The following FRMD4A variants were observed in gnomAD, a reference collection of about 807,000 sequenced individuals.
The protein encoded by FRMD4A is FERM domain containing 4A, also known as FERM domain-containing protein 4A.
FRMD4A carries 29 observed loss-of-function variants against 129.1 expected under a neutral mutation model. The ratio of observed to expected loss-of-function variants is 0.22; its 90% CI spans 0.17 to 0.31. The LOEUF (loss-of-function observed/expected upper bound fraction) is 0.31, where lower values mean the gene tolerates loss of function less well. FRMD4A is among the 10% of genes least tolerant of loss of function. The pLI, the probability that FRMD4A is intolerant of heterozygous loss-of-function variation, is 1.00. For missense variants in FRMD4A, 1,272 were observed against 1,375.8 expected, an observed-to-expected ratio of 0.92 and a Z score of 1.19; for synonymous variants, 634 against 571.6, an observed-to-expected ratio of 1.11 and a Z score of -1.56.
intron 2 of FRMD4A, among the ~76,000 whole-genome samples, chr10:13,917,044 G>C (rs2095016848): frequency 6.6e-6 from 1 of 152,162 alleles, no homozygotes; most frequent in Non-Finnish European, 1.5e-5. Context: ...TCAAAACAGT[G>C]TTTTAAAAAA....
intron 7 of FRMD4A, among the ~76,000 whole-genome samples, chr10:13,761,885 A>C (rs766348947): frequency 6.6e-6 from 1 of 152,254 alleles, no homozygotes; most frequent in African/African-American, 2.4e-5. Context: ...AAACTTATAT[A>C]CAAAGTAAGT....
intron 12 of FRMD4A, among the ~76,000 whole-genome samples, chr10:13,727,533 C>T (rs995306077): frequency 1.3e-5 from 2 of 152,112 alleles, no homozygotes; most frequent in Non-Finnish European, 2.9e-5. Context: ...TTGAGGGCGC[C>T]ATGTTGGGAC....
chr10:14,045,033 G>T (rs576545527), intron 2 of FRMD4A, among the ~76,000 whole-genome samples: 1 of 152,218 alleles, frequency 6.6e-6, no homozygotes, highest in South Asian at 2.1e-4. Flanking sequence ...CTCCCGAGTA[G>T]CTGGGACTAC....
At chr10:14,155,937 G>A (rs1840573333) in intron 2 of FRMD4A, among the ~76,000 whole-genome samples, 1 of 152,134 alleles carries the variant, frequency 6.6e-6, no homozygotes, top group Non-Finnish European at 1.5e-5. Flanking sequence ...GCCATTTAGA[G>A]AAATAGAACA....
At chr10:14,002,665 C>G (rs908625545) in intron 2 of FRMD4A, among the ~76,000 whole-genome samples, 47 of 152,262 alleles carry the variant, frequency 3.1e-4, no homozygotes, top group African/African-American at 1.1e-3. Context: ...ATGACTGAAG[C>G]AAACCAGTGG....
chr10:13,893,018 G>C (rs1237716226), intron 2 of FRMD4A, among the ~76,000 whole-genome samples: 1 of 152,090 alleles, frequency 6.6e-6, no homozygotes, highest in Non-Finnish European at 1.5e-5. Flanking sequence ...TGGTGTTAAG[G>C]ACTACCTGTT....
intron 2 of FRMD4A, among the ~76,000 whole-genome samples, chr10:14,176,535 C>T (rs998433159): frequency 7.3e-5 from 10 of 136,150 alleles, no homozygotes; most frequent in African/African-American, 2.0e-4. Context: ...AGTGCAATGG[C>T]GCAATCTCAG....
chr10:14,306,385 C>T (rs144090410), intron 2 of FRMD4A, among the ~76,000 whole-genome samples: 107 of 152,202 alleles, frequency 7.0e-4, no homozygotes, highest in African/African-American at 2.3e-3. Context: ...AAAGTTTACC[C>T]GAGAGAAGCC....
intron 2 of FRMD4A, among the ~76,000 whole-genome samples, chr10:13,990,631 AG>A (rs34044639): frequency 0.29 from 43,392 of 152,172 alleles, 7,345 homozygotes; most frequent in East Asian, 0.73. Context: ...AGCTGTCATC[AG>A]GGAGCAGGAT....
intron 2 of FRMD4A, among the ~76,000 whole-genome samples, chr10:14,064,195 A>G (rs1293186404): frequency 1.3e-5 from 2 of 152,222 alleles, no homozygotes; most frequent in East Asian, 3.9e-4. Context: ...TGTGACTCAG[A>G]AGCATTCAAA....
intron 2 of FRMD4A, among the ~76,000 whole-genome samples, chr10:14,223,222 C>T (rs1056662414): frequency 2.6e-5 from 4 of 152,224 alleles, no homozygotes; most frequent in African/African-American, 9.7e-5. Context: ...AACTGCTAGG[C>T]AAAGTCATCA....
intron 11 of FRMD4A, among the ~76,000 whole-genome samples, chr10:13,738,762 A>T (rs9633783): frequency 6.6e-6 from 1 of 151,864 alleles, no homozygotes; most frequent in Non-Finnish European, 1.5e-5. Context: ...CTGGGATTAC[A>T]GGCACGTGCC....
intron 2 of FRMD4A, among the ~76,000 whole-genome samples, chr10:13,970,182 A>G (rs1486990222): frequency 6.6e-6 from 1 of 152,196 alleles, no homozygotes; most frequent in Non-Finnish European, 1.5e-5. Flanking sequence ...TTTCTTTTAT[A>G]TATGATCTAT....
At chr10:13,912,370 A>G (rs1297491331) in intron 2 of FRMD4A, among the ~76,000 whole-genome samples, 1 of 152,194 alleles carries the variant, frequency 6.6e-6, no homozygotes, top group South Asian at 2.1e-4. Context: ...GCCTGGGTAT[A>G]TAACCAAGAG....
intron 4 of FRMD4A, among the ~76,000 whole-genome samples, chr10:13,797,918 GAA>G (rs10565021): frequency 0.07 from 9,854 of 140,708 alleles, 419 homozygotes; most frequent in African/African-American, 0.12. Flanking sequence ...TTTCGCACAA[GAA>G]AAAAAAAAAA....
intron 2 of FRMD4A, among the ~76,000 whole-genome samples, chr10:13,888,740 T>C (rs907522991): frequency 9.2e-5 from 14 of 152,176 alleles, no homozygotes; most frequent in Admixed American, 1.3e-4. Flanking sequence ...ATAAGACATA[T>C]GAATTGAAGT....
intron 18 of FRMD4A, among the ~76,000 whole-genome samples, chr10:13,664,985 C>T (rs1490312147): frequency 2.0e-5 from 3 of 152,112 alleles, no homozygotes; most frequent in Non-Finnish European, 4.4e-5. Flanking sequence ...CAGGTTCAAG[C>T]GATTCTCCTG....
chr10:14,128,390 C>T (rs1839044320), intron 2 of FRMD4A, among the ~76,000 whole-genome samples: 1 of 152,082 alleles, frequency 6.6e-6, no homozygotes, highest in Non-Finnish European at 1.5e-5. Flanking sequence ...AGGCATGAGC[C>T]ACCCCGCCCA....
At chr10:13,730,108 C>A (rs117176083) in intron 12 of FRMD4A, among the ~76,000 whole-genome samples, 1 of 152,102 alleles carries the variant, frequency 6.6e-6, no homozygotes, top group South Asian at 2.1e-4. Flanking sequence ...TGTGCAACCC[C>A]CTGGTCTCCC....
Sources: gnomAD v4.1 joint callset for allele counts (sites outside exome capture counted in the v4.1 genomes callset) on GRCh38, gnomAD v4.1.1 for gene constraint, MANE v1.5 for transcripts, NCBI Gene and HGNC (gene_info 2026-07-23, HGNC 2026-07-21) for gene names.